TFEC: variants seen among roughly 807,000 people sequenced by gnomAD.
TFEC encodes transcription factor EC, also known as class E basic helix-loop-helix protein 34.
TFEC carries 31 observed loss-of-function variants against 41.6 expected under a neutral mutation model. The ratio of observed to expected loss-of-function variants is 0.74; its 90% CI spans 0.56 to 1.01. The LOEUF (loss-of-function observed/expected upper bound fraction) is 1.01, where lower values mean the gene tolerates loss of function less well. Among genes scored for constraint, TFEC ranks in the 50% least tolerant of loss-of-function variants. The pLI is 0.00. For missense variants in TFEC, 402 were observed against 404.1 expected (o/e 0.99, Z 0.04); for synonymous variants, 143 against 140.6 (o/e 1.02, Z -0.12).
intron 1 of TFEC, among the ~76,000 whole-genome samples, chr7:116,153,304 G>GT (rs1798800808): frequency 6.6e-6 from 1 of 152,164 alleles, no homozygotes. Context: ...TGCCCAGACT[G>GT]GAGTGCACTG....
chr7:115,944,673 T>A (rs1793697681), intron 6 of TFEC, among the ~76,000 whole-genome samples: 1 of 151,616 alleles, frequency 6.6e-6, no homozygotes, highest in Non-Finnish European at 1.5e-5. Flanking sequence ...AGGCCAACCA[T>A]GCCACAATTG....
intron 1 of TFEC, among the ~76,000 whole-genome samples, chr7:116,144,247 G>A (rs1245719658): frequency 2.6e-5 from 4 of 151,900 alleles, no homozygotes; most frequent in African/African-American, 9.7e-5. Context: ...AAAAGGTAGA[G>A]CCTCAACACA....
At chr7:115,945,590 G>A (rs988202443) in intron 6 of TFEC, among the ~76,000 whole-genome samples, 18 of 151,590 alleles carry the variant, frequency 1.2e-4, no homozygotes, top group Admixed American at 6.6e-4. Context: ...TGTGATATAC[G>A]GAAAAATCCA....
chr7:115,995,722 C>T (rs1034111618), intron 1 of TFEC, among the ~76,000 whole-genome samples: 9 of 152,182 alleles, frequency 5.9e-5, no homozygotes, highest in African/African-American at 2.2e-4. Flanking sequence ...TTGCCAACAT[C>T]TTCCCTCCCC....
chr7:115,964,504 C>T (rs1189561418), intron 3 of TFEC, among the ~76,000 whole-genome samples: 3 of 151,490 alleles, frequency 2.0e-5, no homozygotes, highest in African/African-American at 7.3e-5. Flanking sequence ...AATTCAAAAG[C>T]TATAAATAAT....
intron 3 of TFEC, among the ~76,000 whole-genome samples, chr7:116,068,511 T>G (rs1464776): frequency 0.55 from 83,888 of 151,378 alleles, 23,469 homozygotes; most frequent in East Asian, 0.73. Context: ...ATGCTAAAAC[T>G]TTCTAATATT....
chr7:116,055,207 AT>A (rs1796399116), intron 3 of TFEC, among the ~76,000 whole-genome samples: 1 of 152,110 alleles, frequency 6.6e-6, no homozygotes, highest in African/African-American at 2.4e-5. Flanking sequence ...AAATGAAAAG[AT>A]TACTTTCAAT....
intron 1 of TFEC, among the ~76,000 whole-genome samples, chr7:116,128,721 G>T (rs1397951746): frequency 6.6e-6 from 1 of 151,846 alleles, no homozygotes; most frequent in Non-Finnish European, 1.5e-5. Flanking sequence ...ACTGACTGAG[G>T]AAAAAACAAA....
chr7:116,083,954 C>A (rs949706653), intron 3 of TFEC, among the ~76,000 whole-genome samples: 2 of 151,886 alleles, frequency 1.3e-5, no homozygotes, highest in African/African-American at 4.8e-5. Flanking sequence ...AGAAATAGGG[C>A]AAAGAATGAA....
chr7:116,077,039 AC>A (rs1358912236), intron 3 of TFEC, among the ~76,000 whole-genome samples: 1 of 152,176 alleles, frequency 6.6e-6, no homozygotes, highest in East Asian at 1.9e-4. Flanking sequence ...GCATCAGGTA[AC>A]CTATAAATGA....
intron 3 of TFEC, among the ~76,000 whole-genome samples, chr7:115,972,742 A>C (rs1222172702): frequency 6.6e-6 from 1 of 152,080 alleles, no homozygotes; most frequent in East Asian, 1.9e-4. Context: ...TGTGTATATC[A>C]AACACATATT....
chr7:116,141,180 AT>A (rs1210867768), intron 1 of TFEC, among the ~76,000 whole-genome samples: 1 of 152,184 alleles, frequency 6.6e-6, no homozygotes, highest in Non-Finnish European at 1.5e-5. Context: ...GTAAGGCAGG[AT>A]ATAGCCAGTA....
At chr7:115,986,190 T>G (rs1249646714) in intron 1 of TFEC, among the ~76,000 whole-genome samples, 1 of 152,174 alleles carries the variant, frequency 6.6e-6, no homozygotes, top group Non-Finnish European at 1.5e-5. Flanking sequence ...AGTGTTAATA[T>G]CAACTATAGC....
Position 116,148,335 on chromosome 7 carries a change from G to A in TFEC, c.-69+11455C>T, listed in dbSNP as rs73448524. On this transcript the variant is annotated intron_variant, in intron 1 of 8. Transcript: ENST00000484212. ...TAACTGCTCTTTGAAAGTATATAGT[G>A]CTATGGGTGGGGTGAAGGGTGAGAC... Among the ~76,000 whole-genome samples, 495 of 152,302 alleles carry A rather than the reference G, an allele frequency of 3.3e-3. 4 individuals are homozygous for A. Among genetic ancestry groups the A allele is most frequent in the African/African-American group, 0.011 (477 of 41,568 alleles).
At chr7:116,113,230 T>C (rs1797896638) in intron 1 of TFEC, among the ~76,000 whole-genome samples, 1 of 151,970 alleles carries the variant, frequency 6.6e-6, no homozygotes, top group Non-Finnish European at 1.5e-5. Context: ...TAAGGGTCTT[T>C]GCAAATGTAA....
intron 1 of TFEC, among the ~76,000 whole-genome samples, chr7:116,124,666 A>C (rs918445920): frequency 5.3e-5 from 8 of 152,156 alleles, no homozygotes; most frequent in African/African-American, 1.9e-4. Flanking sequence ...CTAGGTCTCC[A>C]GTAAAATAAT....
At chr7:116,094,973 A>C (rs758394817) in intron 3 of TFEC, among the ~76,000 whole-genome samples, 8 of 152,226 alleles carry the variant, frequency 5.3e-5, no homozygotes, top group Non-Finnish European at 8.8e-5. Flanking sequence ...TGCTTTAAAT[A>C]TATATGCCTG....
intron 3 of TFEC, among the ~76,000 whole-genome samples, chr7:116,097,617 G>A (rs1797498283): frequency 6.6e-6 from 1 of 152,116 alleles, no homozygotes; most frequent in Non-Finnish European, 1.5e-5. Flanking sequence ...TTCCACAGGG[G>A]ACAGAGAAGG....
intron 3 of TFEC, among the ~76,000 whole-genome samples, chr7:116,062,560 CATATATATATATATATATAT>C (rs57742551): frequency 0.033 from 3,357 of 101,738 alleles, 175 homozygotes; most frequent in African/African-American, 0.1. Context: ...GAGTAGTACT[CATATATATATATATATATAT>C]ATATATATAT....
Sources: allele counts gnomAD v4.1 joint callset (sites outside exome capture counted in the v4.1 genomes callset), GRCh38; gene constraint gnomAD v4.1.1; transcripts MANE v1.5; gene names NCBI Gene and HGNC (gene_info 2026-07-23, HGNC 2026-07-21).